Variants in GALNTL6 observed in about 807,000 individuals in gnomAD.
GALNTL6 encodes polypeptide N-acetylgalactosaminyltransferase-like 6.
GALNTL6 carries 46 observed loss-of-function variants against 73.7 expected under a neutral mutation model. The observed-to-expected ratio is 0.62, with a 90% CI of 0.49 to 0.80. The LOEUF (loss-of-function observed/expected upper bound fraction) is 0.80. Among genes scored for constraint, GALNTL6 ranks in the 30% least tolerant of loss-of-function variants. GALNTL6 has a pLI of 0.00. For missense variants in GALNTL6, 604 were observed against 755.0 expected (o/e 0.80, Z 2.34); for synonymous variants, 259 against 263.7 (o/e 0.98, Z 0.17).
chr4:172,807,943 C>T (rs2110981319), intron 5 of GALNTL6, among the ~76,000 whole-genome samples: 1 of 152,324 alleles, frequency 6.6e-6, no homozygotes, highest in East Asian at 1.9e-4. Flanking sequence ...CTGCCTCAGT[C>T]TCCCAAGTAT....
intron 10 of GALNTL6, among the ~76,000 whole-genome samples, chr4:172,959,172 T>C (rs574312786): frequency 6.6e-6 from 1 of 152,212 alleles, no homozygotes; most frequent in East Asian, 1.9e-4. Flanking sequence ...GGGTGCATGA[T>C]CGGTCACTGA....
chr4:171,835,305 T>C (rs975551955), intron 2 of GALNTL6, among the ~76,000 whole-genome samples: 4 of 152,068 alleles, frequency 2.6e-5, no homozygotes, highest in African/African-American at 9.7e-5. Flanking sequence ...TGTCTGTGTA[T>C]GTATATGTGT....
chr4:173,036,285 T>C (rs1753693776), intron 12 of GALNTL6, among the ~76,000 whole-genome samples: 1 of 152,250 alleles, frequency 6.6e-6, no homozygotes, highest in Non-Finnish European at 1.5e-5. Flanking sequence ...CATTTGGTTC[T>C]TTTATGACCA....
chr4:172,012,378 A>C (rs1405869769), intron 2 of GALNTL6, among the ~76,000 whole-genome samples: 1 of 151,236 alleles, frequency 6.6e-6, no homozygotes, highest in African/African-American at 2.5e-5. Flanking sequence ...CTGTGTCTCA[A>C]AGTAGTGTTT....
chr4:172,411,420 C>A (rs1320752277), intron 5 of GALNTL6, among the ~76,000 whole-genome samples: 5 of 152,100 alleles, frequency 3.3e-5, no homozygotes, highest in Non-Finnish European at 7.4e-5. Flanking sequence ...CAGTTGGAAT[C>A]TGGTTTTCGC....
chr4:172,892,864 A>G (rs145826866), intron 8 of GALNTL6, among the ~76,000 whole-genome samples: 14 of 152,268 alleles, frequency 9.2e-5, no homozygotes, highest in Non-Finnish European at 1.8e-4. Context: ...GGGCAGCCCA[A>G]GGCAAGGTTT....
chr4:172,731,957 A>G (rs549173812), intron 5 of GALNTL6, among the ~76,000 whole-genome samples: 1 of 152,196 alleles, frequency 6.6e-6, no homozygotes, highest in South Asian at 2.1e-4. Context: ...TTGTGGCTCA[A>G]GATATGGTCT....
At chr4:172,884,700 A>G (rs1745631544) in intron 8 of GALNTL6, among the ~76,000 whole-genome samples, 1 of 152,172 alleles carries the variant, frequency 6.6e-6, no homozygotes, top group Non-Finnish European at 1.5e-5. Flanking sequence ...TGCCCAGACC[A>G]ATGTCCTGTA....
chr4:173,004,204 A>G lies in GALNTL6; in HGVS notation c.1372-4974A>G, dbSNP rs116278102. On this transcript the variant is annotated intron_variant, in intron 10 of 12. Coordinates refer to ENST00000506823, the MANE Select transcript of GALNTL6 (RefSeq NM_001034845.3). ...ATCTCTTGAAAAAAAAAATGAGGTT[A>G]TAGGGAACCTCATTTGTACCTCCTG... 8.9e-3 allele frequency among the ~76,000 whole-genome samples: 1,356 copies of G among 152,132 alleles called. 24 individuals are homozygous for G. Among genetic ancestry groups the G allele is most frequent in the African/African-American group, 0.031 (1,274 of 41,492 alleles).
intron 2 of GALNTL6, among the ~76,000 whole-genome samples, chr4:172,122,725 A>G (rs947114054): frequency 1.3e-5 from 2 of 152,202 alleles, no homozygotes; most frequent in African/African-American, 4.8e-5. Flanking sequence ...CACAAGGCCA[A>G]GTGCAGCCAC....
chr4:172,411,057 G>T (rs562037510), intron 5 of GALNTL6, among the ~76,000 whole-genome samples: 1 of 152,160 alleles, frequency 6.6e-6, no homozygotes, highest in Non-Finnish European at 1.5e-5. Flanking sequence ...CTGATTAAAT[G>T]AACTATGCTA....
intron 5 of GALNTL6, among the ~76,000 whole-genome samples, chr4:172,769,586 A>G (rs1738639549): frequency 2.0e-5 from 3 of 152,354 alleles, no homozygotes; most frequent in African/African-American, 4.8e-5. Context: ...AAGATGTCCA[A>G]TGGCTTTGGA....
At chr4:171,980,356 G>A (rs1471348270) in intron 2 of GALNTL6, among the ~76,000 whole-genome samples, 6 of 152,244 alleles carry the variant, frequency 3.9e-5, no homozygotes, top group African/African-American at 1.4e-4. Context: ...TAACATGAAA[G>A]AGAAGTTAAT....
At chr4:172,535,735 G>A (rs1459786095) in intron 5 of GALNTL6, among the ~76,000 whole-genome samples, 1 of 152,186 alleles carries the variant, frequency 6.6e-6, no homozygotes. Context: ...TCTAGGAAAG[G>A]AGTAGCTCAA....
rs559610089 is a variant in GALNTL6, at chr4:172,142,019, G to C, written c.139-87637G>C. Among the ~76,000 whole-genome samples, 5 of 151,840 alleles carry C rather than the reference G, an allele frequency of 3.3e-5. No homozygotes were observed. In the South Asian group the frequency reaches 6.2e-4, roughly 19 times the overall value. On this transcript the variant is annotated intron_variant, in intron 2 of 12. Coordinates refer to ENST00000506823, the MANE Select transcript of GALNTL6 (RefSeq NM_001034845.3). Reference sequence around the variant, plus strand: ...AATCAGTGTACACACACAAAAATTTGTTTTTAGTTCTAGTGGCACACTTCC... The same window carrying C: ...AATCAGTGTACACACACAAAAATTTCTTTTTAGTTCTAGTGGCACACTTCC...
intron 10 of GALNTL6, among the ~76,000 whole-genome samples, chr4:172,985,949 A>C (rs1455045440): frequency 6.6e-6 from 1 of 152,234 alleles, no homozygotes; most frequent in African/African-American, 2.4e-5. Context: ...TGGTTTTACA[A>C]AGACAGTCTG....
chr4:172,384,266 G>A (rs768901730), intron 5 of GALNTL6, among the ~76,000 whole-genome samples: 2 of 152,066 alleles, frequency 1.3e-5, no homozygotes, highest in Non-Finnish European at 2.9e-5. Flanking sequence ...CCTAATTACT[G>A]TTTCAATCTC....
At chr4:172,899,514 TAC>T (rs1374372393) in intron 8 of GALNTL6, among the ~76,000 whole-genome samples, 1 of 152,174 alleles carries the variant, frequency 6.6e-6, no homozygotes, top group Non-Finnish European at 1.5e-5. Flanking sequence ...TACACTTTGT[TAC>T]AGTGTGTGTG....
chr4:171,988,787 C>T (rs758630600), intron 2 of GALNTL6, among the ~76,000 whole-genome samples: 6 of 151,894 alleles, frequency 4.0e-5, no homozygotes, highest in Admixed American at 1.3e-4. Context: ...GGCATTGAGC[C>T]GGGTAAGAGT....
Sources: allele counts gnomAD v4.1 joint callset (sites outside exome capture counted in the v4.1 genomes callset), GRCh38; gene constraint gnomAD v4.1.1; transcripts MANE v1.5; gene names NCBI Gene and HGNC (gene_info 2026-07-23, HGNC 2026-07-21).